Variants in HEMK2 observed in about 807,000 individuals in gnomAD.
HEMK2 encodes methyltransferase HEMK2.
At chr21:28,591,840 T>G in the HEMK2 span, among the ~76,000 whole-genome samples, 1 of 152,194 alleles carries the variant, frequency 6.6e-6, no homozygotes, top group African/African-American at 2.4e-5. Flanking sequence ...CTAAGGCTAA[T>G]GACCTCCAGC....
chr21:28,652,450 T>TC, the HEMK2 span, among the ~76,000 whole-genome samples: 4 of 151,724 alleles, frequency 2.6e-5, no homozygotes, highest in African/African-American at 9.7e-5. Context: ...CTTCCTTCCT[T>TC]CCTCCCTCCC....
the HEMK2 span, among the ~76,000 whole-genome samples, chr21:28,586,647 A>G: frequency 6.6e-6 from 1 of 152,242 alleles, no homozygotes; most frequent in African/African-American, 2.4e-5. Flanking sequence ...TATCCACAAT[A>G]AACTTTTAAA....
At chr21:28,800,413 C>T in the HEMK2 span, among the ~76,000 whole-genome samples, 72 of 152,064 alleles carry the variant, frequency 4.7e-4, 1 homozygote, top group East Asian at 0.012. Flanking sequence ...TCTGTGTTCA[C>T]GACCCTTTCA....
the HEMK2 span, among the ~76,000 whole-genome samples, chr21:28,702,611 A>G: frequency 6.6e-6 from 1 of 152,218 alleles, no homozygotes; most frequent in African/African-American, 2.4e-5. Flanking sequence ...ACAATGAGAT[A>G]CCATCTCACA....
chr21:28,680,621 T>C, the HEMK2 span, among the ~76,000 whole-genome samples: 1 of 151,966 alleles, frequency 6.6e-6, no homozygotes, highest in African/African-American at 2.4e-5. Context: ...TAGACCAATA[T>C]CCCTGATGAA....
the HEMK2 span, chr21:28,874,634 C>T: frequency 6.6e-6 from 1 of 152,272 alleles, no homozygotes; most frequent in African/African-American, 2.4e-5. Context: ...TACTAGTATC[C>T]ACAGAACAGG....
At chr21:28,600,192 C>T in the HEMK2 span, among the ~76,000 whole-genome samples, 9 of 152,264 alleles carry the variant, frequency 5.9e-5, no homozygotes, top group South Asian at 1.4e-3. Flanking sequence ...TTCCCTTTGG[C>T]ACTGCCATAG....
the HEMK2 span, among the ~76,000 whole-genome samples, chr21:28,758,800 G>A: frequency 6.6e-6 from 1 of 152,128 alleles, no homozygotes; most frequent in Admixed American, 6.5e-5. Flanking sequence ...GGGGAAGCTG[G>A]TGAATAGGCT....
At chr21:28,758,654 C>T in the HEMK2 span, among the ~76,000 whole-genome samples, 1 of 152,156 alleles carries the variant, frequency 6.6e-6, no homozygotes, top group Non-Finnish European at 1.5e-5. Flanking sequence ...ATAAAACCAA[C>T]GTGCTCTTAA....
the HEMK2 span, among the ~76,000 whole-genome samples, chr21:28,611,940 AC>A: frequency 2.6e-5 from 4 of 151,658 alleles, no homozygotes; most frequent in African/African-American, 9.7e-5. Flanking sequence ...AAAGTTACCA[AC>A]AAAAAAATTT....
At chr21:28,677,620 C>A in the HEMK2 span, among the ~76,000 whole-genome samples, 1 of 152,162 alleles carries the variant, frequency 6.6e-6, no homozygotes. Flanking sequence ...CCCTGACCCC[C>A]GAGTAGCCTA....
At chr21:28,850,072 C>A in the HEMK2 span, among the ~76,000 whole-genome samples, 1 of 152,066 alleles carries the variant, frequency 6.6e-6, no homozygotes, top group South Asian at 2.1e-4. Flanking sequence ...CCAAATTCCT[C>A]AAGGTCAAAA....
the HEMK2 span, among the ~76,000 whole-genome samples, chr21:28,864,808 A>AGAC: frequency 2.1e-3 from 214 of 103,206 alleles, 1 homozygote; most frequent in African/African-American, 7.0e-3. Flanking sequence ...CTCTCTCTGA[A>AGAC]AGACAGACAG....
chr21:28,734,363 C>G, the HEMK2 span, among the ~76,000 whole-genome samples: 11 of 152,116 alleles, frequency 7.2e-5, no homozygotes, highest in Admixed American at 2.6e-4. Context: ...CTGTTGTCTG[C>G]CACGGCATGT....
the HEMK2 span, among the ~76,000 whole-genome samples, chr21:28,612,503 T>G: frequency 1.3e-5 from 2 of 152,156 alleles, no homozygotes; most frequent in Admixed American, 1.3e-4. Flanking sequence ...GTTGAAAGCA[T>G]TCTCCCTGAG....
At chr21:28,874,543 C>T in the HEMK2 span, 1 of 152,276 alleles carries the variant, frequency 6.6e-6, no homozygotes, top group Non-Finnish European at 1.5e-5. Flanking sequence ...TGAGCCCATG[C>T]ATAACCTCTA....
the HEMK2 span, among the ~76,000 whole-genome samples, chr21:28,709,741 G>A: frequency 3.3e-5 from 5 of 152,176 alleles, no homozygotes; most frequent in South Asian, 1.0e-3. Context: ...AGAGGGCAGG[G>A]GAGAAAAGCA....
the HEMK2 span, among the ~76,000 whole-genome samples, chr21:28,865,696 G>A: frequency 1.3e-5 from 2 of 152,014 alleles, no homozygotes; most frequent in African/African-American, 2.4e-5. Context: ...AAGTCTCTAG[G>A]CCTTTCCATG....
the HEMK2 span, among the ~76,000 whole-genome samples, chr21:28,748,268 C>G: frequency 1.1e-4 from 16 of 152,092 alleles, no homozygotes; most frequent in Non-Finnish European, 2.1e-4. Flanking sequence ...CTACAATGAA[C>G]ATTGAAAAAT....
Sources: gnomAD v4.1 joint callset for allele counts (sites outside exome capture counted in the v4.1 genomes callset) on GRCh38, gnomAD v4.1.1 for gene constraint, MANE v1.5 for transcripts, NCBI Gene and HGNC (gene_info 2026-07-23, HGNC 2026-07-21) for gene names.